RIMS2: variants seen among roughly 807,000 people sequenced by gnomAD.
The protein encoded by RIMS2 is regulating synaptic membrane exocytosis 2, also known as regulating synaptic membrane exocytosis protein 2.
RIMS2 carries 59 observed loss-of-function variants against 174.4 expected under a neutral mutation model. That is an observed-to-expected ratio of 0.34 (90% CI 0.27 to 0.42). RIMS2 has a LOEUF of 0.42. RIMS2 is among the 10% of genes least tolerant of loss of function. The pLI is 1.00. For missense variants in RIMS2, 1,620 were observed against 1,666.3 expected (o/e 0.97, Z 0.48); for synonymous variants, 606 against 572.5 (o/e 1.06, Z -0.84).
chr8:103,617,431 C>G (rs979341956), intron 1 of RIMS2, among the ~76,000 whole-genome samples: 11 of 152,140 alleles, frequency 7.2e-5, no homozygotes, highest in African/African-American at 2.7e-4. Flanking sequence ...TAGGCAATAC[C>G]ATTCTGGACA....
At chr8:103,612,529 T>C (rs1310483122) in intron 1 of RIMS2, among the ~76,000 whole-genome samples, 1 of 152,200 alleles carries the variant, frequency 6.6e-6, no homozygotes, top group African/African-American at 2.4e-5. Flanking sequence ...TGGCCTTGTA[T>C]AACATCTGGA....
At chr8:103,842,068 A>C (rs2098943189) in intron 3 of RIMS2, among the ~76,000 whole-genome samples, 1 of 152,252 alleles carries the variant, frequency 6.6e-6, no homozygotes, top group Non-Finnish European at 1.5e-5. Context: ...AAAATAAACA[A>C]AAGCAACCAA....
At chr8:103,768,135 A>G in intron 3 of RIMS2, 1 of 305,296 alleles carries the variant, frequency 3.3e-6, no homozygotes, top group Non-Finnish European at 6.3e-6. Context: ...AAGTTCCCCA[A>G]ATGGCAGTTA....
chr8:103,797,921 T>C (rs988053697), intron 3 of RIMS2, among the ~76,000 whole-genome samples: 3 of 152,150 alleles, frequency 2.0e-5, no homozygotes, highest in Non-Finnish European at 4.4e-5. Context: ...CTTTTTACTC[T>C]CAAAAGTATC....
chr8:104,076,710 A>G (rs2097299234), intron 19 of RIMS2, among the ~76,000 whole-genome samples: 1 of 152,042 alleles, frequency 6.6e-6, no homozygotes, highest in Non-Finnish European at 1.5e-5. Context: ...CCTACCTCTT[A>G]TACTATCTGT....
intron 10 of RIMS2, chr8:103,922,593 G>T (rs1168498734): frequency 1.6e-5 from 6 of 380,176 alleles, no homozygotes; most frequent in South Asian, 9.8e-5. Flanking sequence ...GTATTAAAAA[G>T]CTGTTTAGGT....
chr8:103,885,702 A>G, exon 4 of RIMS2: 6 of 1,613,126 alleles, frequency 3.7e-6, no homozygotes, highest in Non-Finnish European at 5.1e-6. Flanking sequence ...GAGAGAAGGC[A>G]TAGTGATGTT....
chr8:103,676,853 G>T (rs1042966453), intron 1 of RIMS2, among the ~76,000 whole-genome samples: 3 of 152,116 alleles, frequency 2.0e-5, no homozygotes, highest in Admixed American at 1.3e-4. Context: ...GCATGGTGGC[G>T]CATGCCTGTA....
At chr8:104,206,233 G>A (rs529974888) in intron 19 of RIMS2, among the ~76,000 whole-genome samples, 1 of 152,084 alleles carries the variant, frequency 6.6e-6, no homozygotes, top group African/African-American at 2.4e-5. Flanking sequence ...TTTTATTCTT[G>A]TGTTTGGAAA....
At position 103,984,017 on chromosome 8, in the gene RIMS2, C is replaced by CA. The variant is rs879924449; in HGVS notation, c.2928-5279dup. ...TGAAACCCCGTCTCTACTAAAAATACAAAAAAAAATAGCAGGCGTGGTGGC... is the reference window on the plus strand; with the variant it reads ...TGAAACCCCGTCTCTACTAAAAATACAAAAAAAAAATAGCAGGCGTGGTGGC... On this transcript the variant is annotated intron_variant, in intron 16 of 23. Coordinates refer to ENST00000504942, the Ensembl canonical transcript of RIMS2. Among the ~76,000 whole-genome samples, 844 of 150,466 alleles carry CA rather than the reference C, an allele frequency of 5.6e-3. 3 individuals are homozygous for CA. The highest frequency in any genetic ancestry group is 8.3e-3 in the Admixed American group (126 of 15,124).
chr8:103,580,832 T>C (rs903525105), intron 1 of RIMS2, among the ~76,000 whole-genome samples: 1 of 108,590 alleles, frequency 9.2e-6, no homozygotes, highest in Non-Finnish European at 2.2e-5. Context: ...ATACTTTTTT[T>C]TTTTTTTTTT....
chr8:103,767,317 A>G (rs2098186492), intron 3 of RIMS2, among the ~76,000 whole-genome samples: 1 of 151,638 alleles, frequency 6.6e-6, no homozygotes, highest in African/African-American at 2.4e-5. Flanking sequence ...CCTCCCGAGT[A>G]GCTGGGACTA....
At chr8:103,947,289 A>T (rs1485600327) in intron 14 of RIMS2, among the ~76,000 whole-genome samples, 1 of 152,222 alleles carries the variant, frequency 6.6e-6, no homozygotes, top group Non-Finnish European at 1.5e-5. Flanking sequence ...TCAAGACATC[A>T]TTAAGAAGAT....
chr8:104,225,921 G>C (rs188182045), intron 19 of RIMS2, among the ~76,000 whole-genome samples: 1 of 152,062 alleles, frequency 6.6e-6, no homozygotes. Context: ...TTGATTTTGC[G>C]ATTCTCTTAA....
At chr8:104,098,874 A>G (rs1002542957) in intron 19 of RIMS2, among the ~76,000 whole-genome samples, 1 of 152,186 alleles carries the variant, frequency 6.6e-6, no homozygotes, top group African/African-American at 2.4e-5. Flanking sequence ...TGCCTATATT[A>G]TGGAATTTTA....
Position 104,251,533 on chromosome 8 carries a change from A to G in RIMS2, c.3832-69A>G, listed in dbSNP as rs1209838239. ...TAACTGAATGTACTTTAGTATTTTAATATATTTTACAAGTTTTTCTATGTA... is the reference window on the plus strand; with the variant it reads ...TAACTGAATGTACTTTAGTATTTTAGTATATTTTACAAGTTTTTCTATGTA... On this transcript the variant is annotated intron_variant, in intron 23 of 23. Coordinates refer to ENST00000504942, the Ensembl canonical transcript of RIMS2. 5 of 836,076 alleles carry G rather than the reference A, an allele frequency of 6.0e-6. No individual in the cohort carries two copies. In the Admixed American group the frequency reaches 9.3e-5, roughly 16 times the overall value. The allele number at this position is 836,076 out of a possible 1,614,324, so 51.8% of individuals were successfully genotyped here. A position where few individuals can be genotyped will look rare whatever the true frequency, so the allele number is the denominator to read the frequency against.
Position 103,842,614 on chromosome 8 carries a change from G to A in RIMS2, c.699-42684G>A, listed in dbSNP as rs145283127. On this transcript the variant is annotated intron_variant, in intron 3 of 23. Coordinates refer to ENST00000504942, the Ensembl canonical transcript of RIMS2. Reference sequence around the variant, plus strand: ...ATGTACCAACTTTTCTAAGACTTATGTGTAATTGCTTTCCCAAAAGGTAAA... The same window carrying A: ...ATGTACCAACTTTTCTAAGACTTATATGTAATTGCTTTCCCAAAAGGTAAA... 2.9e-3 allele frequency among the ~76,000 whole-genome samples: 444 copies of A among 152,160 alleles called. 2 individuals are homozygous for A. The highest frequency in any genetic ancestry group is 9.9e-3 in the African/African-American group (412 of 41,498).
chr8:103,573,187 C>T (rs1228944449), intron 1 of RIMS2, among the ~76,000 whole-genome samples: 1 of 151,858 alleles, frequency 6.6e-6, no homozygotes, highest in Non-Finnish European at 1.5e-5. Flanking sequence ...ACCCAAGTAG[C>T]TGGGACTACA....
intron 1 of RIMS2, among the ~76,000 whole-genome samples, chr8:103,635,930 C>T (rs2096064862): frequency 6.6e-6 from 1 of 151,928 alleles, no homozygotes; most frequent in African/African-American, 2.4e-5. Flanking sequence ...TAGTTGGAGG[C>T]CTTAGTTGGG....
Sources: allele counts gnomAD v4.1 joint callset (sites outside exome capture counted in the v4.1 genomes callset), GRCh38; gene constraint gnomAD v4.1.1; transcripts MANE v1.5; gene names NCBI Gene and HGNC (gene_info 2026-07-23, HGNC 2026-07-21).